The following KIF15 variants were observed in gnomAD, a reference collection of about 807,000 sequenced individuals.
The protein encoded by KIF15 is kinesin family member 15.
Under a neutral mutation model 190.6 loss-of-function variants are expected in KIF15, and 140 were observed. The ratio of observed to expected loss-of-function variants is 0.73; its 90% CI spans 0.64 to 0.84. The LOEUF (loss-of-function observed/expected upper bound fraction) is 0.84, where lower values mean the gene tolerates loss of function less well. Ranked by LOEUF, KIF15 falls within the 40% of genes least tolerant of loss-of-function variation. KIF15 has a pLI of 0.00. For missense variants in KIF15, 1,372 were observed against 1,584.4 expected, an observed-to-expected ratio of 0.87 and a Z score of 2.28; for synonymous variants, 528 against 551.3, an observed-to-expected ratio of 0.96 and a Z score of 0.59.
chr3:44,768,523 C>A, intron 1 of KIF15, among the ~76,000 whole-genome samples: 1 of 150,798 alleles, frequency 6.6e-6, no homozygotes, highest in Non-Finnish European at 1.5e-5. Flanking sequence ...TCCATTCTCC[C>A]AGGGCGCATG....
At chr3:44,864,421 C>T (rs909885860) in intron 6 of KIF15, 1 of 1,575,784 alleles carries the variant, frequency 6.3e-7, no homozygotes, top group Non-Finnish European at 8.7e-7. Flanking sequence ...CCCCTCCTTT[C>T]CCAGACAGGA....
At chr3:44,806,966 G>A (rs181297732) in intron 16 of KIF15, among the ~76,000 whole-genome samples, 6 of 152,062 alleles carry the variant, frequency 3.9e-5, no homozygotes, top group East Asian at 1.9e-4. Flanking sequence ...GGCTGGTCTC[G>A]AACTCATGAC....
intron 8 of KIF15, among the ~76,000 whole-genome samples, chr3:44,794,833 G>T (rs571086207): frequency 6.6e-6 from 1 of 152,008 alleles, no homozygotes; most frequent in African/African-American, 2.4e-5. Context: ...GTGGTGATGC[G>T]CGCCTGTAGT....
At chr3:44,838,230 T>C in intron 26 of KIF15, 45 bp from the exon 27 acceptor site, 1 of 1,547,946 alleles carries the variant, frequency 6.5e-7, no homozygotes, top group Non-Finnish European at 8.7e-7. Context: ...GGAATCCTTA[T>C]TGGAATACCA....
intron 7 of KIF15, among the ~76,000 whole-genome samples, chr3:44,789,642 TTA>T (rs56009369): frequency 0.01 from 1,130 of 112,644 alleles, 11 homozygotes; most frequent in African/African-American, 0.023. Flanking sequence ...TTGTCTAATT[TTA>T]TATATATATA....
intron 27 of KIF15, among the ~76,000 whole-genome samples, 174 bp downstream of exon 27, chr3:44,838,595 A>G (rs1271726297): frequency 6.6e-6 from 1 of 152,072 alleles, no homozygotes; most frequent in Non-Finnish European, 1.5e-5. Context: ...TAAAAATAGA[A>G]AAGTTAGCCG....
chr3:44,821,163 T>C (rs1708272190), intron 20 of KIF15, among the ~76,000 whole-genome samples: 1 of 143,642 alleles, frequency 7.0e-6, no homozygotes, highest in Non-Finnish European at 1.5e-5. Context: ...ACGGGGCAGC[T>C]GGCCGGGCAG....
At chr3:44,864,439 C>T in intron 6 of KIF15, 1 of 1,500,610 alleles carries the variant, frequency 6.7e-7, no homozygotes, top group South Asian at 1.2e-5. Flanking sequence ...GGAGAAAGGA[C>T]AGGAACTGAA....
chr3:44,797,525 T>G (rs1487863005), intron 8 of KIF15, 26 bp from the exon 9 acceptor site: 1 of 1,608,094 alleles, frequency 6.2e-7, no homozygotes, highest in Non-Finnish European at 8.5e-7. Context: ...TACCTAAATT[T>G]TTGTTCTTTT....
intron 16 of KIF15, 136 bp downstream of exon 16, chr3:44,806,122 C>G (rs1263908274): frequency 2.2e-6 from 2 of 910,554 alleles, no homozygotes; most frequent in East Asian, 5.4e-5. Context: ...TCACACTGGT[C>G]TTTGGGTTAC....
At position 44,761,885 on chromosome 3, in the gene KIF15, G is replaced by A. The variant is rs770538350; in HGVS notation, c.19+1G>A. On this transcript the variant is annotated splice_donor_variant, in intron 1 of 34. Transcript: ENST00000326047. LOFTEE classifies it high-confidence loss of function. ...GGCGCTATGGCACCCGGCTGCAAAAGTAAGTCTGGGCCCCCGGCTTCGTTA... is the reference window on the plus strand; with the variant it reads ...GGCGCTATGGCACCCGGCTGCAAAAATAAGTCTGGGCCCCCGGCTTCGTTA... 5.1e-5 allele frequency: 83 copies of A among 1,614,076 alleles called. No homozygotes were observed. The highest frequency in any genetic ancestry group is 1.7e-6 in the Non-Finnish European group (2 of 1,180,016).
At chr3:44,765,436 G>C (rs1309325903) in intron 1 of KIF15, among the ~76,000 whole-genome samples, 1 of 152,166 alleles carries the variant, frequency 6.6e-6, no homozygotes, top group African/African-American at 2.4e-5. Context: ...TTAAGCCTTT[G>C]ATATTGCTCC....
intron 16 of KIF15, among the ~76,000 whole-genome samples, chr3:44,806,192 C>T (rs968321923): frequency 2.6e-5 from 4 of 152,190 alleles, no homozygotes; most frequent in African/African-American, 9.7e-5. Flanking sequence ...AAGAATTCAG[C>T]ATTTGCAATC....
intron 19 of KIF15, among the ~76,000 whole-genome samples, chr3:44,813,611 T>TTTTG (rs1707895765): frequency 6.7e-6 from 1 of 148,818 alleles, no homozygotes; most frequent in African/African-American, 2.5e-5. Flanking sequence ...GGTCATTTTT[T>TTTTG]TTTTGTTTTG....
intron 4 of KIF15, among the ~76,000 whole-genome samples, chr3:44,780,045 G>C (rs2125910448): frequency 6.8e-6 from 1 of 146,156 alleles, no homozygotes; most frequent in Middle Eastern, 3.6e-3. Flanking sequence ...TTGATATCTT[G>C]ATTAACATCT....
chr3:44,844,744 A>G (rs549426109), intron 30 of KIF15, among the ~76,000 whole-genome samples: 2 of 152,204 alleles, frequency 1.3e-5, no homozygotes, highest in Admixed American at 6.5e-5. Flanking sequence ...CTGGGGAGCC[A>G]TTCTGAGTAG....
intron 1 of KIF15, among the ~76,000 whole-genome samples, chr3:44,767,756 G>A (rs929973152): frequency 6.6e-5 from 10 of 151,764 alleles, no homozygotes; most frequent in South Asian, 4.2e-4. Context: ...TTCTCAGGGC[G>A]TGGTGGCAGG....
At chr3:44,856,088 GACTGTAT>G (rs201731308), downstream of KIF15, among the ~76,000 whole-genome samples, 7,141 of 152,242 alleles carry the variant, frequency 0.047, 204 homozygotes, top group Middle Eastern at 0.082. Flanking sequence ...TCCGTTATCG[GACTGTAT>G]AGAGGTGGGA....
chr3:44,831,241 C>A (rs192538267), intron 26 of KIF15, among the ~76,000 whole-genome samples: 176 of 152,230 alleles, frequency 1.2e-3, no homozygotes, highest in African/African-American at 3.7e-3. Flanking sequence ...CTGAGATACT[C>A]CACACACGTT....
Sources: allele counts gnomAD v4.1 joint callset (sites outside exome capture counted in the v4.1 genomes callset), GRCh38; gene constraint gnomAD v4.1.1; transcripts MANE v1.5; gene names NCBI Gene and HGNC (gene_info 2026-07-23, HGNC 2026-07-21).